SATB2: variants seen among roughly 807,000 people sequenced by gnomAD.
The protein encoded by SATB2 is DNA-binding protein SATB2.
In SATB2, 1 loss-of-function variant was observed where a neutral mutation model predicts 73.4. The observed-to-expected ratio is 0.01, with a 90% CI of 0.00 to 0.06. The LOEUF (loss-of-function observed/expected upper bound fraction) is 0.06, where lower values mean the gene tolerates loss of function less well. Ranked by LOEUF, SATB2 falls within the 10% of genes least tolerant of loss-of-function variation. The probability of loss-of-function intolerance (pLI) is 1.00; values close to 1 mark genes in which losing one functional copy is unlikely to be tolerated. For synonymous variants in SATB2, 397 were observed against 367.0 expected, an observed-to-expected ratio of 1.08 and a Z score of -0.93; for missense variants, 459 against 945.8, an observed-to-expected ratio of 0.49 and a Z score of 6.75.
intron 7 of SATB2, among the ~76,000 whole-genome samples, chr2:199,333,787 C>T (rs551910459): frequency 2.2e-4 from 34 of 152,122 alleles, no homozygotes; most frequent in Non-Finnish European, 4.0e-4. Context: ...ATATGCAAAA[C>T]ATCTTCCTTC....
chr2:199,370,946 C>CAAA (rs67348909), intron 5 of SATB2, among the ~76,000 whole-genome samples: 31 of 69,266 alleles, frequency 4.5e-4, no homozygotes, highest in East Asian at 7.2e-4. Flanking sequence ...ATGAACTGAG[C>CAAA]AAAAAAAAAA....
chr2:199,328,457 C>T (rs957041756), intron 8 of SATB2, among the ~76,000 whole-genome samples: 18 of 152,064 alleles, frequency 1.2e-4, no homozygotes, highest in Non-Finnish European at 2.4e-4. Flanking sequence ...AGGAGAATTC[C>T]TTGAACCCAG....
intron 3 of SATB2, among the ~76,000 whole-genome samples, chr2:199,404,792 A>T (rs984338937): frequency 5.3e-5 from 8 of 152,240 alleles, no homozygotes; most frequent in Non-Finnish European, 8.8e-5. Context: ...TGATCAGAAT[A>T]CCAGACTACC....
At chr2:199,415,153 A>G (rs1220201884) in intron 3 of SATB2, among the ~76,000 whole-genome samples, 1 of 152,268 alleles carries the variant, frequency 6.6e-6, no homozygotes, top group East Asian at 1.9e-4. Flanking sequence ...ACCTGAAGCA[A>G]GAAACGCTCT....
At chr2:199,319,940 G>A (rs541413360) in intron 9 of SATB2, among the ~76,000 whole-genome samples, 8 of 151,990 alleles carry the variant, frequency 5.3e-5, no homozygotes, top group East Asian at 3.9e-4. Flanking sequence ...GTACACAACC[G>A]TCCCCTGAGA....
At chr2:199,356,225 C>CAAAAAAAAAAAAAAAAAAA (rs200509001) in intron 6 of SATB2, among the ~76,000 whole-genome samples, 6 of 100,976 alleles carry the variant, frequency 5.9e-5, no homozygotes, top group African/African-American at 1.5e-4. Flanking sequence ...GAACATAAGC[C>CAAAAAAAAAAAAAAAAAAA]AAAAAAAAAA....
chr2:199,288,460 G>A (rs1692749656), intron 10 of SATB2, among the ~76,000 whole-genome samples: 1 of 152,116 alleles, frequency 6.6e-6, no homozygotes, highest in Non-Finnish European at 1.5e-5. Context: ...GATGAAAGAA[G>A]GTAATCCATG....
chr2:199,465,460 G>T (rs1375471672), upstream of SATB2, among the ~76,000 whole-genome samples: 2 of 152,148 alleles, frequency 1.3e-5, no homozygotes, highest in Admixed American at 6.5e-5. Flanking sequence ...AATATCCGTT[G>T]TTTTCAGTAA....
At position 199,321,510 on chromosome 2, in the gene SATB2, G is replaced by GTGTATA. The variant is rs1559160140; in HGVS notation, c.1542+2292_1542+2293insTATACA. ...TATATATGTGTATATACACATACATGTATATACACACATATACATATATAC... is the reference window on the plus strand; with the variant it reads ...TATATATGTGTATATACACATACATGTGTATATATATACACACATATACATATATAC... On this transcript the variant is annotated intron_variant, in intron 9 of 10. Coordinates refer to ENST00000417098, the MANE Select transcript of SATB2 (RefSeq NM_001172509.2). Among the ~76,000 whole-genome samples the GTGTATA allele has an allele frequency of 6.9e-4, 103 of 149,404 alleles. 1 individual carries two copies. The South Asian group carries it at 0.01, about 15-fold the overall frequency.
chr2:199,451,863 TC>T (rs56370722), intron 2 of SATB2, among the ~76,000 whole-genome samples: 141,598 of 152,130 alleles, frequency 0.93, 66,708 homozygotes, highest in East Asian at 1. Context: ...ATGATTTTTT[TC>T]CCCCTTGCAA....
chr2:199,389,263 G>C, intron 3 of SATB2, among the ~76,000 whole-genome samples: 1 of 152,112 alleles, frequency 6.6e-6, no homozygotes, highest in Non-Finnish European at 1.5e-5. Flanking sequence ...CAGTGCCCCA[G>C]TACAACTTGT....
At position 199,463,984 on chromosome 2, in the gene SATB2, G is replaced by A. The variant is rs573408488; in HGVS notation, c.-141+852C>T. Among the ~76,000 whole-genome samples, 18 of 152,268 alleles carry A rather than the reference G, an allele frequency of 1.2e-4. No individual in the cohort carries two copies. In the South Asian group the frequency reaches 3.5e-3, roughly 30 times the overall value. On this transcript the variant is annotated intron_variant, in intron 1 of 11. Transcript: ENST00000260926. This position sits in a 1 kb window ranked among gnomAD's most constrained non-coding sequence, Gnocchi z 6.4. Reference sequence around the variant, plus strand: ...ACGCCGGTCTTGAACCAAGCGGAGAGGGCGAAAAAGCCCGCTGCGGGACCC... The same window carrying A: ...ACGCCGGTCTTGAACCAAGCGGAGAAGGCGAAAAAGCCCGCTGCGGGACCC...
rs756776178 is a variant in SATB2, at chr2:199,386,708, GCGCGCGCGCACACACACACA to G, written c.347-4908_347-4889del. On this transcript the variant is annotated intron_variant, in intron 3 of 10. Transcript: ENST00000417098. ...TACACGTGCGCAAGCGCGCGCGCGC[GCGCGCGCGCACACACACACA>G]CACACACACACACACACACACACAC... Among the ~76,000 whole-genome samples, 292 of 45,892 alleles carry G rather than the reference GCGCGCGCGCACACACACACA, an allele frequency of 6.4e-3. 2 individuals are homozygous for G. Among genetic ancestry groups the G allele is most frequent in the South Asian group, 0.026 (48 of 1,820 alleles). The allele number at this position is 45,892 out of a possible 152,430, so 30.1% of individuals were successfully genotyped here.
intron 2 of SATB2, among the ~76,000 whole-genome samples, chr2:199,454,410 T>C (rs898896006): frequency 2.0e-5 from 3 of 152,184 alleles, no homozygotes; most frequent in Non-Finnish European, 4.4e-5. Flanking sequence ...CATCATACTC[T>C]ATGAATTTTT....
intron 6 of SATB2, among the ~76,000 whole-genome samples, chr2:199,352,031 C>T (rs557487965): frequency 2.8e-4 from 42 of 152,212 alleles, no homozygotes; most frequent in Admixed American, 9.2e-4. Context: ...CGCCACCACA[C>T]CCAACTAATT....
intron 3 of SATB2, among the ~76,000 whole-genome samples, chr2:199,409,669 G>GT (rs200872650): frequency 0.034 from 4,906 of 144,420 alleles, 274 homozygotes; most frequent in African/African-American, 0.11. Context: ...GTTTTTTTTT[G>GT]TTTTTTTTTG....
At chr2:199,392,796 A>G (rs889590071) in intron 3 of SATB2, among the ~76,000 whole-genome samples, 23 of 152,238 alleles carry the variant, frequency 1.5e-4, no homozygotes, top group African/African-American at 5.5e-4. Flanking sequence ...TAATTACAAT[A>G]AAATAACATG....
intron 2 of SATB2, among the ~76,000 whole-genome samples, chr2:199,437,584 C>T (rs1691690531): frequency 6.6e-6 from 1 of 152,134 alleles, no homozygotes; most frequent in Non-Finnish European, 1.5e-5. Flanking sequence ...TGGCACTGTC[C>T]CTTTTTACCT....
intron 2 of SATB2, among the ~76,000 whole-genome samples, chr2:199,439,902 G>A (rs1311022868): frequency 7.2e-5 from 11 of 152,026 alleles, no homozygotes; most frequent in South Asian, 2.1e-4. Flanking sequence ...TCAGGAGTTC[G>A]AGACCAGCCT....
Sources: allele counts gnomAD v4.1 joint callset (sites outside exome capture counted in the v4.1 genomes callset), GRCh38; gene constraint gnomAD v4.1.1; non-coding constraint Gnocchi (gnomAD v3.1); transcripts MANE v1.5; gene names NCBI Gene and HGNC (gene_info 2026-07-23, HGNC 2026-07-21).